TANC2: variants seen among roughly 807,000 people sequenced by gnomAD.
The protein encoded by TANC2 is protein TANC2.
A neutral mutation model predicts 210.5 loss-of-function variants in TANC2; 26 were observed. The ratio of observed to expected loss-of-function variants is 0.12; its 90% CI spans 0.09 to 0.17. TANC2 has a LOEUF of 0.17. Ranked by LOEUF, TANC2 falls within the 10% of genes least tolerant of loss-of-function variation. TANC2 has a pLI of 1.00. For synonymous variants in TANC2, 931 were observed against 967.1 expected (o/e 0.96, Z 0.69); for missense variants, 2,129 against 2,608.9 (o/e 0.82, Z 4.01).
intron 5 of TANC2, among the ~76,000 whole-genome samples, chr17:63,176,556 A>G (rs929638325): frequency 3.9e-5 from 6 of 152,230 alleles, no homozygotes; most frequent in African/African-American, 1.2e-4. Flanking sequence ...CTGTAATCCC[A>G]GCACTTTGGG....
chr17:63,094,397 G>T (rs2037313311), intron 3 of TANC2, among the ~76,000 whole-genome samples: 1 of 152,018 alleles, frequency 6.6e-6, no homozygotes, highest in African/African-American at 2.4e-5. Context: ...TTAGGGGCCA[G>T]TTTATCACCA....
At chr17:63,162,544 GAT>G (rs1243867569) in intron 5 of TANC2, among the ~76,000 whole-genome samples, 1 of 152,196 alleles carries the variant, frequency 6.6e-6, no homozygotes, top group East Asian at 1.9e-4. Context: ...GCAGAAGAAA[GAT>G]AGGAAATGCT....
intron 12 of TANC2, among the ~76,000 whole-genome samples, chr17:63,348,318 A>G (rs2146854183): frequency 6.6e-6 from 1 of 152,310 alleles, no homozygotes; most frequent in South Asian, 2.1e-4. Flanking sequence ...GGAACTACTA[A>G]GGAAGAAAGT....
chr17:63,002,353 T>G (rs1050189621), intron 1 of TANC2, among the ~76,000 whole-genome samples: 3 of 152,234 alleles, frequency 2.0e-5, no homozygotes, highest in Admixed American at 1.3e-4. Flanking sequence ...TTAAATAGTT[T>G]TAGTTATCGC....
At chr17:63,208,004 A>G (rs1027268493) in intron 7 of TANC2, among the ~76,000 whole-genome samples, 1 of 152,190 alleles carries the variant, frequency 6.6e-6, no homozygotes, top group African/African-American at 2.4e-5. Flanking sequence ...TCACATGTTT[A>G]TTAGCCAATT....
intron 2 of TANC2, among the ~76,000 whole-genome samples, chr17:63,068,937 G>C (rs551931855): frequency 7.9e-5 from 12 of 152,192 alleles, no homozygotes; most frequent in African/African-American, 2.9e-4. Flanking sequence ...AAACATGCTT[G>C]TGATTTTACA....
intron 2 of TANC2, among the ~76,000 whole-genome samples, chr17:63,013,434 G>A (rs1036170513): frequency 1.3e-5 from 2 of 152,016 alleles, no homozygotes; most frequent in Non-Finnish European, 2.9e-5. Context: ...GTATGCCTAA[G>A]AGTATTTTTT....
intron 2 of TANC2, among the ~76,000 whole-genome samples, chr17:63,053,146 T>A (rs1023838858): frequency 3.3e-5 from 5 of 152,202 alleles, no homozygotes; most frequent in Non-Finnish European, 7.3e-5. Context: ...TCTTTGAAAG[T>A]GTTAATTTAT....
chr17:63,058,363 A>G (rs2035878971), intron 2 of TANC2, among the ~76,000 whole-genome samples: 1 of 152,060 alleles, frequency 6.6e-6, no homozygotes, highest in Admixed American at 6.6e-5. Context: ...CTCTCCCATT[A>G]TTTAGATTGT....
At chr17:63,030,854 G>A (rs554712542) in intron 2 of TANC2, among the ~76,000 whole-genome samples, 58 of 151,804 alleles carry the variant, frequency 3.8e-4, no homozygotes, top group African/African-American at 1.3e-3. Flanking sequence ...TTAAAAATTA[G>A]CAGTCTTTCT....
intron 17 of TANC2, chr17:63,393,390 G>A (rs1170438792): frequency 1.3e-5 from 2 of 152,236 alleles, no homozygotes; most frequent in Non-Finnish European, 2.9e-5. Flanking sequence ...CCATATATCA[G>A]TGATGATGCG....
At chr17:63,003,349 C>G (rs1320428847) in intron 1 of TANC2, among the ~76,000 whole-genome samples, 3 of 152,070 alleles carry the variant, frequency 2.0e-5, no homozygotes, top group Non-Finnish European at 2.9e-5. Context: ...ATACAGTAGT[C>G]CCTCCGTATC....
intron 8 of TANC2, among the ~76,000 whole-genome samples, chr17:63,265,193 C>T (rs2043486701): frequency 1.3e-5 from 2 of 152,166 alleles, no homozygotes. Context: ...TTTTTGAGTG[C>T]TGACCTGATG....
intron 1 of TANC2, among the ~76,000 whole-genome samples, chr17:62,993,781 A>G (rs2032980766): frequency 6.6e-6 from 1 of 152,138 alleles, no homozygotes; most frequent in Non-Finnish European, 1.5e-5. Context: ...AAATAAAAAA[A>G]AATTAGATGT....
chr17:62,980,328 A>T (rs529715153), intron 1 of TANC2, among the ~76,000 whole-genome samples: 2 of 152,218 alleles, frequency 1.3e-5, no homozygotes. Flanking sequence ...TTCAGGATCC[A>T]TACAGATGCT....
At chr17:63,397,163 T>C (rs1293985805) in intron 18 of TANC2, among the ~76,000 whole-genome samples, 1 of 151,938 alleles carries the variant, frequency 6.6e-6, no homozygotes, top group Admixed American at 6.6e-5. Context: ...TAATCCCAGC[T>C]ACTCGGGAGG....
At chr17:63,153,423 A>G (rs1358293726) in intron 5 of TANC2, 1 of 152,140 alleles carries the variant, frequency 6.6e-6, no homozygotes, top group Non-Finnish European at 1.5e-5. Flanking sequence ...TTTGTCTCCC[A>G]GAGGCAACAA....
intron 14 of TANC2, among the ~76,000 whole-genome samples, chr17:63,368,978 C>T (rs1159691733): frequency 6.6e-6 from 1 of 152,126 alleles, no homozygotes; most frequent in Non-Finnish European, 1.5e-5. Flanking sequence ...TTTTGGAAAC[C>T]CATATCTTTT....
intron 12 of TANC2, among the ~76,000 whole-genome samples, chr17:63,349,184 C>A (rs1445014304): frequency 6.6e-6 from 1 of 151,764 alleles, no homozygotes; most frequent in Non-Finnish European, 1.5e-5. Flanking sequence ...AGGCAAGTAC[C>A]CCCTTTTAAA....
Sources: gnomAD v4.1 joint callset for allele counts (sites outside exome capture counted in the v4.1 genomes callset) on GRCh38, gnomAD v4.1.1 for gene constraint, MANE v1.5 for transcripts, NCBI Gene and HGNC (gene_info 2026-07-23, HGNC 2026-07-21) for gene names.